ASAP1: variants seen among roughly 807,000 people sequenced by gnomAD.
The protein encoded by ASAP1 is ArfGAP with SH3 domain, ankyrin repeat and PH domain 1.
Under a neutral mutation model 145.2 loss-of-function variants are expected in ASAP1, and 43 were observed. The observed-to-expected ratio is 0.30, with a 90% CI of 0.23 to 0.38. The LOEUF is 0.38. ASAP1 is among the 10% of genes least tolerant of loss of function. The pLI is 1.00. For missense variants in ASAP1, 1,018 were observed against 1,355.3 expected, an observed-to-expected ratio of 0.75 and a Z score of 3.91; for synonymous variants, 546 against 515.5, an observed-to-expected ratio of 1.06 and a Z score of -0.80.
At chr8:130,151,302 T>TG (rs2135946054) in intron 13 of ASAP1, among the ~76,000 whole-genome samples, 1 of 136,342 alleles carries the variant, frequency 7.3e-6, no homozygotes, top group African/African-American at 2.8e-5. Context: ...ACCTGGGAGA[T>TG]GGAGGTTACA....
In ASAP1 at chr8:130,072,979, ATCT is replaced by A. The variant is rs530738915; in HGVS notation, c.2701+3366_2701+3368del. On this transcript the variant is annotated intron_variant, in intron 27 of 29. Coordinates refer to ENST00000518721, the MANE Select transcript of ASAP1 (RefSeq NM_018482.4). ...AAATCCCCACACGTTTGTCACAGAAATCTTCTTCTGTGTTGATGATTGTTGTGA... is the reference window on the plus strand; with the variant it reads ...AAATCCCCACACGTTTGTCACAGAAATCTTCTGTGTTGATGATTGTTGTGA... 1.5e-3 allele frequency among the ~76,000 whole-genome samples: 232 copies of A among 151,066 alleles called. 2 individuals are homozygous for A. Among genetic ancestry groups the A allele is most frequent in the Middle Eastern group, 3.4e-3 (1 of 294 alleles).
intron 4 of ASAP1, among the ~76,000 whole-genome samples, chr8:130,225,545 A>G (rs1006924444): frequency 1.1e-4 from 16 of 152,204 alleles, no homozygotes; most frequent in African/African-American, 3.1e-4. Flanking sequence ...TTTCTTCTGT[A>G]TGAAAACATA....
intron 3 of ASAP1, among the ~76,000 whole-genome samples, chr8:130,252,494 C>T (rs1014895985): frequency 6.6e-6 from 1 of 152,134 alleles, no homozygotes; most frequent in Admixed American, 6.5e-5. Context: ...AAGGACCCAA[C>T]AATATGTTAA....
intron 3 of ASAP1, among the ~76,000 whole-genome samples, chr8:130,338,230 A>G (rs1825158380): frequency 6.6e-6 from 1 of 152,248 alleles, no homozygotes; most frequent in South Asian, 2.1e-4. Flanking sequence ...GCAGATGCCT[A>G]AGTAACAGAG....
intron 2 of ASAP1, among the ~76,000 whole-genome samples, chr8:130,384,533 C>T (rs1322664184): frequency 1.3e-5 from 2 of 152,140 alleles, no homozygotes; most frequent in Admixed American, 6.5e-5. Flanking sequence ...AGCTGGAGTG[C>T]AATGGCGCTA....
chr8:130,118,824 C>T (rs183389889), intron 18 of ASAP1, 149 bp from the exon 19 acceptor site: 1 of 478,562 alleles, frequency 2.1e-6, no homozygotes, highest in East Asian at 3.2e-5. Context: ...GACCAAATTA[C>T]TCCAACAGAG....
intron 3 of ASAP1, among the ~76,000 whole-genome samples, chr8:130,333,400 G>A (rs530718481): frequency 1.3e-5 from 2 of 152,210 alleles, no homozygotes; most frequent in South Asian, 4.2e-4. Context: ...TCAGGAGTTC[G>A]GGACCAGCCT....
rs74514929 is a variant in ASAP1, at chr8:130,061,781, C to A, written c.2702-712G>T. Among the ~76,000 whole-genome samples the A allele has an allele frequency of 5.1e-3, 778 of 152,308 alleles. 8 individuals carry two copies. Among genetic ancestry groups the A allele is most frequent in the African/African-American group, 0.017 (722 of 41,550 alleles). ...CTCCCACTTACTATGTTTAGGAAAG[C>A]TCCAAATCAGTTCTTTTTTATTCTG... On this transcript the variant is annotated intron_variant, in intron 27 of 29. Transcript: ENST00000518721.
At chr8:130,202,746 G>A (rs72722379) in intron 5 of ASAP1, among the ~76,000 whole-genome samples, 5,279 of 152,254 alleles carry the variant, frequency 0.035, 125 homozygotes, top group Middle Eastern at 0.065. Flanking sequence ...TGCCTCAGGT[G>A]ACCTAGCTTG....
At chr8:130,237,629 C>T (rs189760592) in intron 3 of ASAP1, among the ~76,000 whole-genome samples, 1 of 152,148 alleles carries the variant, frequency 6.6e-6, no homozygotes, top group East Asian at 1.9e-4. Context: ...GATGAATCAA[C>T]ACATTAATCT....
intron 12 of ASAP1, among the ~76,000 whole-genome samples, chr8:130,156,176 G>C (rs1244399146): frequency 6.6e-6 from 1 of 151,980 alleles, no homozygotes. Flanking sequence ...CCAAAGCTAG[G>C]GTCAAAAATT....
intron 5 of ASAP1, among the ~76,000 whole-genome samples, chr8:130,200,569 T>C (rs944444187): frequency 6.6e-6 from 1 of 152,128 alleles, no homozygotes; most frequent in African/African-American, 2.4e-5. Context: ...TATATGACTT[T>C]AAAAATACGA....
intron 15 of ASAP1, among the ~76,000 whole-genome samples, chr8:130,132,869 T>C (rs978793840): frequency 6.6e-6 from 1 of 152,358 alleles, no homozygotes; most frequent in East Asian, 1.9e-4. Context: ...GTATCTTTTC[T>C]ACCCATGTTC....
At chr8:130,145,756 G>C (rs956310484) in intron 13 of ASAP1, among the ~76,000 whole-genome samples, 1 of 151,960 alleles carries the variant, frequency 6.6e-6, no homozygotes, top group African/African-American at 2.4e-5. Flanking sequence ...CTATTTGAGA[G>C]ATGTGGAAAA....
At chr8:130,149,109 A>G (rs997708832) in intron 13 of ASAP1, among the ~76,000 whole-genome samples, 6 of 150,212 alleles carry the variant, frequency 4.0e-5, no homozygotes, top group Non-Finnish European at 5.9e-5. Context: ...CAGCCTCCCA[A>G]AATGAGGCAT....
intron 24 of ASAP1, among the ~76,000 whole-genome samples, chr8:130,094,052 A>G (rs766926109): frequency 3.9e-5 from 6 of 152,156 alleles, no homozygotes; most frequent in Non-Finnish European, 8.8e-5. Flanking sequence ...CCCCAAATCA[A>G]CACTTAATTA....
chr8:130,283,958 G>A (rs947953566), intron 3 of ASAP1, among the ~76,000 whole-genome samples: 3 of 152,166 alleles, frequency 2.0e-5, no homozygotes, highest in African/African-American at 7.2e-5. Context: ...AACTAATCTA[G>A]ATGGCCTAAG....
At chr8:130,390,940 C>A (rs1038440226) in intron 2 of ASAP1, among the ~76,000 whole-genome samples, 15 of 114,194 alleles carry the variant, frequency 1.3e-4, no homozygotes, top group African/African-American at 3.9e-4. Flanking sequence ...ATATCCCCCG[C>A]CCCCCCAAAA....
chr8:130,080,029 A>G (rs2097475408), intron 25 of ASAP1, 58 bp from the exon 26 acceptor site: 5 of 1,493,148 alleles, frequency 3.3e-6, no homozygotes, highest in African/African-American at 1.4e-5. Flanking sequence ...TGCAATGAGA[A>G]TACATGGGTT....
Sources: allele counts gnomAD v4.1 joint callset (sites outside exome capture counted in the v4.1 genomes callset), GRCh38; gene constraint gnomAD v4.1.1; transcripts MANE v1.5; gene names NCBI Gene and HGNC (gene_info 2026-07-23, HGNC 2026-07-21).